The following SH3KBP1 variants were observed in gnomAD, a reference collection of about 807,000 sequenced individuals.
SH3KBP1 encodes the protein SH3 domain-containing kinase-binding protein 1.
A neutral mutation model predicts 50.1 loss-of-function variants in SH3KBP1; 8 were observed. The observed-to-expected ratio is 0.16, with a 90% confidence interval of 0.09 to 0.29. SH3KBP1 has a LOEUF of 0.29. Ranked by LOEUF, SH3KBP1 falls within the 10% of genes least tolerant of loss-of-function variation. SH3KBP1 has a pLI of 1.00. For missense variants in SH3KBP1, 377 were observed against 535.2 expected, an observed-to-expected ratio of 0.70 and a Z score of 2.92; for synonymous variants, 227 against 218.6, an observed-to-expected ratio of 1.04 and a Z score of -0.34.
intron 7 of SH3KBP1, among the ~76,000 whole-genome samples, chrX:19,632,976 C>A (rs1477072136): frequency 8.9e-6 from 1 of 112,211 alleles, no homozygotes; most frequent in Non-Finnish European, 1.9e-5. Context: ...GGATCACAAC[C>A]TAGAGCTATG....
At chrX:19,569,651 TG>T (rs780052458) in intron 12 of SH3KBP1, among the ~76,000 whole-genome samples, 1 of 112,278 alleles carries the variant, frequency 8.9e-6, no homozygotes, top group South Asian at 3.7e-4. Flanking sequence ...TCAGCCAGGC[TG>T]TTGAAAGGCA....
intron 2 of SH3KBP1, among the ~76,000 whole-genome samples, chrX:19,829,734 A>AG (rs918959522): frequency 1.8e-5 from 2 of 109,748 alleles, no homozygotes; most frequent in African/African-American, 6.6e-5. Context: ...AAAAAAAAAA[A>AG]AAGAAGAAGA....
chrX:19,829,862 T>G (rs978665300), intron 2 of SH3KBP1, among the ~76,000 whole-genome samples: 5 of 109,812 alleles, frequency 4.6e-5, no homozygotes, highest in African/African-American at 1.7e-4. Flanking sequence ...AAACAAGGGG[T>G]GGATTATTCA....
intron 6 of SH3KBP1, chrX:19,670,768 A>T: frequency 1.1e-6 from 1 of 929,199 alleles, no homozygotes; most frequent in Non-Finnish European, 1.5e-6. Flanking sequence ...CAAACCCATT[A>T]CCCAGTCTTG....
intron 3 of SH3KBP1, among the ~76,000 whole-genome samples, chrX:19,722,911 G>T (rs1424169243): frequency 9.1e-6 from 1 of 110,227 alleles, no homozygotes; most frequent in Non-Finnish European, 1.9e-5. Context: ...AAGGCAGGCA[G>T]ATCTCTTGAG....
At chrX:19,585,824 G>A (rs187273260) in intron 12 of SH3KBP1, among the ~76,000 whole-genome samples, 3 of 112,000 alleles carry the variant, frequency 2.7e-5, no homozygotes, top group South Asian at 3.8e-4. Flanking sequence ...CAGGTGATTC[G>A]GAGGCATGCT....
intron 4 of SH3KBP1, among the ~76,000 whole-genome samples, chrX:19,697,996 C>T (rs767973051): frequency 8.9e-6 from 1 of 112,242 alleles, no homozygotes; most frequent in Admixed American, 9.4e-5. Flanking sequence ...TGGCATTTCG[C>T]AGCATTTCCA....
chrX:19,570,032 T>C (rs2065960662), intron 12 of SH3KBP1, among the ~76,000 whole-genome samples: 1 of 111,867 alleles, frequency 8.9e-6, no homozygotes, highest in Admixed American at 9.5e-5. Flanking sequence ...GTAACAGAAA[T>C]AGTCCATCTC....
intron 2 of SH3KBP1, among the ~76,000 whole-genome samples, chrX:19,757,107 A>G (rs1201037480): frequency 9.3e-6 from 1 of 107,693 alleles, no homozygotes; most frequent in African/African-American, 3.4e-5. Context: ...AGTAATTGAA[A>G]TATGTTTACT....
chrX:19,809,776 A>C (rs965611443), intron 2 of SH3KBP1, among the ~76,000 whole-genome samples: 2 of 111,928 alleles, frequency 1.8e-5, no homozygotes, highest in African/African-American at 6.5e-5. Flanking sequence ...GCCAGATCCC[A>C]GATTGCAGTA....
At chrX:19,572,648 C>T (rs1447429893) in intron 12 of SH3KBP1, among the ~76,000 whole-genome samples, 1 of 110,274 alleles carries the variant, frequency 9.1e-6, no homozygotes, top group Admixed American at 9.8e-5. Context: ...CAACCTCCAC[C>T]TCCCAAATGG....
At chrX:19,820,578 C>T (rs1160487289) in intron 2 of SH3KBP1, among the ~76,000 whole-genome samples, 7 of 111,193 alleles carry the variant, frequency 6.3e-5, no homozygotes, top group Non-Finnish European at 1.3e-4. Context: ...CTTTTACTTC[C>T]AACGTGCCTA....
At chrX:19,726,110 T>C (rs1339831216) in intron 3 of SH3KBP1, among the ~76,000 whole-genome samples, 1 of 111,377 alleles carries the variant, frequency 9.0e-6, no homozygotes, top group Non-Finnish European at 1.9e-5. Flanking sequence ...ACTTCAGAAG[T>C]TGGAGAAGAG....
At chrX:19,849,735 A>G (rs2068457419) in intron 1 of SH3KBP1, among the ~76,000 whole-genome samples, 1 of 109,432 alleles carries the variant, frequency 9.1e-6, no homozygotes, top group South Asian at 3.9e-4. Context: ...GTTAGAAAGT[A>G]CAGACCTTCC....
chrX:19,840,101 A>G lies in SH3KBP1; in HGVS notation c.5-3819T>C, dbSNP rs983213587. Among the ~76,000 whole-genome samples, 4 of 112,159 alleles carry G rather than the reference A, an allele frequency of 3.6e-5. No individual in the cohort carries two copies. In the East Asian group the frequency reaches 8.3e-4, roughly 23 times the overall value. On this transcript the variant is annotated intron_variant, in intron 1 of 17. Transcript: ENST00000397821. Reference sequence around the variant, plus strand: ...TCCTGTCAAGATGAATTTTTTTTACATATCAGGTTTCTCTAAGAAGAGGAA... The same window carrying G: ...TCCTGTCAAGATGAATTTTTTTTACGTATCAGGTTTCTCTAAGAAGAGGAA...
At chrX:19,738,359 G>A (rs964448653) in intron 3 of SH3KBP1, among the ~76,000 whole-genome samples, 3 of 110,990 alleles carry the variant, frequency 2.7e-5, no homozygotes, top group African/African-American at 9.9e-5. Context: ...TGCTGGGCTG[G>A]TTTCTATCTG....
chrX:19,771,960 T>C (rs2065803718), intron 2 of SH3KBP1, among the ~76,000 whole-genome samples: 1 of 108,939 alleles, frequency 9.2e-6, no homozygotes, highest in African/African-American at 3.3e-5. Flanking sequence ...CCACCTACCA[T>C]ATGATTCCAT....
intron 6 of SH3KBP1, among the ~76,000 whole-genome samples, chrX:19,647,169 A>G (rs184439708): frequency 9.0e-6 from 1 of 111,546 alleles, no homozygotes; most frequent in African/African-American, 3.3e-5. Context: ...TTAACACATT[A>G]GGAAGAGGAA....
intron 2 of SH3KBP1, among the ~76,000 whole-genome samples, chrX:19,805,620 CT>C (rs1231496601): frequency 1.4e-4 from 15 of 109,426 alleles, no homozygotes; most frequent in African/African-American, 5.0e-4. Context: ...TTGGGTGCCC[CT>C]CATGCTAATT....
Sources: gnomAD v4.1 joint callset for allele counts (sites outside exome capture counted in the v4.1 genomes callset) on GRCh38, gnomAD v4.1.1 for gene constraint, MANE v1.5 for transcripts, NCBI Gene and HGNC (gene_info 2026-07-23, HGNC 2026-07-21) for gene names.